UBTD1: variants seen among roughly 807,000 people sequenced by gnomAD.
The protein encoded by UBTD1 is ubiquitin domain containing 1.
UBTD1 carries 19 observed loss-of-function variants against 21.7 expected under a neutral mutation model. That is an observed-to-expected ratio of 0.87 (90% confidence interval 0.61 to 1.28). The LOEUF (loss-of-function observed/expected upper bound fraction) is 1.28, where lower values mean the gene tolerates loss of function less well. UBTD1 is among the 50% of genes most tolerant of loss of function. The probability of loss-of-function intolerance (pLI) is 0.00; values close to 1 mark genes in which losing one functional copy is unlikely to be tolerated. For missense variants in UBTD1, 282 were observed against 315.1 expected (o/e 0.89, Z 0.80); for synonymous variants, 116 against 135.1 (o/e 0.86, Z 0.98).
chr10:97,510,103 C>G (rs140945009), intron 1 of UBTD1, among the ~76,000 whole-genome samples: 1 of 152,160 alleles, frequency 6.6e-6, no homozygotes, highest in African/African-American at 2.4e-5. Flanking sequence ...GCTGGGATTA[C>G]AGGTGTGTGC....
chr10:97,555,874 T>C (rs1035090552), intron 1 of UBTD1, among the ~76,000 whole-genome samples: 1 of 152,204 alleles, frequency 6.6e-6, no homozygotes, highest in Admixed American at 6.5e-5. Context: ...TCCTTGTTGT[T>C]TTTTCTTAAA....
intron 1 of UBTD1, among the ~76,000 whole-genome samples, chr10:97,535,868 T>C (rs991066796): frequency 2.0e-5 from 3 of 151,814 alleles, no homozygotes; most frequent in Admixed American, 2.0e-4. Flanking sequence ...CAGTGAGCCA[T>C]GACCGCACTA....
intron 1 of UBTD1, among the ~76,000 whole-genome samples, chr10:97,551,473 C>T (rs759761800): frequency 6.6e-6 from 1 of 152,234 alleles, no homozygotes; most frequent in African/African-American, 2.4e-5. Context: ...TCTGCTGCCT[C>T]CCCGTGCAGG....
chr10:97,555,159 T>C (rs958011295), intron 1 of UBTD1, among the ~76,000 whole-genome samples: 7 of 152,198 alleles, frequency 4.6e-5, no homozygotes, highest in African/African-American at 1.7e-4. Flanking sequence ...CAAGGATCCC[T>C]GAGGGAGTCA....
intron 1 of UBTD1, among the ~76,000 whole-genome samples, chr10:97,553,122 C>CTTTTTG (rs927882458): frequency 2.0e-5 from 3 of 152,160 alleles, no homozygotes; most frequent in Admixed American, 2.0e-4. Flanking sequence ...CATACAGTAT[C>CTTTTTG]TTTTTGTTTT....
chr10:97,566,788 T>C (rs2040718990), intron 1 of UBTD1, among the ~76,000 whole-genome samples: 1 of 152,152 alleles, frequency 6.6e-6, no homozygotes, highest in Admixed American at 6.5e-5. Context: ...TGAGTTATAG[T>C]GGAAGCAGAG....
chr10:97,530,248 A>G (rs1013293387), intron 1 of UBTD1, among the ~76,000 whole-genome samples: 3 of 152,216 alleles, frequency 2.0e-5, no homozygotes, highest in African/African-American at 7.2e-5. Flanking sequence ...CGATGAATGA[A>G]TGAAGAATGA....
At chr10:97,530,627 G>A (rs1036763346) in intron 1 of UBTD1, among the ~76,000 whole-genome samples, 9 of 152,048 alleles carry the variant, frequency 5.9e-5, no homozygotes, top group Non-Finnish European at 1.3e-4. Flanking sequence ...AGGTAAATCC[G>A]GCAAGCAGCA....
intron 1 of UBTD1, among the ~76,000 whole-genome samples, chr10:97,554,801 A>G (rs2040656834): frequency 6.6e-6 from 1 of 151,986 alleles, no homozygotes; most frequent in Non-Finnish European, 1.5e-5. Context: ...TGATCCTTCC[A>G]CCTCAGCTTC....
At chr10:97,558,816 T>G (rs2040677420) in intron 1 of UBTD1, among the ~76,000 whole-genome samples, 1 of 152,210 alleles carries the variant, frequency 6.6e-6, no homozygotes, top group South Asian at 2.1e-4. Flanking sequence ...CGATTGCATC[T>G]AAATAGATGT....
intron 1 of UBTD1, among the ~76,000 whole-genome samples, chr10:97,510,828 A>C (rs2040420642): frequency 6.6e-6 from 1 of 152,164 alleles, no homozygotes; most frequent in African/African-American, 2.4e-5. Flanking sequence ...ATCAACTCTC[A>C]TTAGTAGCAA....
chr10:97,519,708 A>G (rs1347050750), intron 1 of UBTD1, among the ~76,000 whole-genome samples: 1 of 152,206 alleles, frequency 6.6e-6, no homozygotes, highest in Non-Finnish European at 1.5e-5. Flanking sequence ...GTGGACTTGG[A>G]CAAAATCTTG....
chr10:97,505,114 C>T (rs1472767807), intron 1 of UBTD1, among the ~76,000 whole-genome samples: 2 of 152,126 alleles, frequency 1.3e-5, no homozygotes, highest in Non-Finnish European at 2.9e-5. Context: ...TAATAGACTA[C>T]AAGGGAGGAA....
intron 1 of UBTD1, among the ~76,000 whole-genome samples, chr10:97,502,853 A>G (rs1278273053): frequency 3.4e-5 from 5 of 149,110 alleles, no homozygotes; most frequent in African/African-American, 1.2e-4. Context: ...GTATACATAT[A>G]TACGTATATA....
chr10:97,544,694 T>G (rs2040600716), intron 1 of UBTD1, among the ~76,000 whole-genome samples: 2 of 152,184 alleles, frequency 1.3e-5, no homozygotes, highest in African/African-American at 4.8e-5. Context: ...AAAAAAATGT[T>G]ATTAAGCAAA....
rs763452236 is a variant in UBTD1 at position 97,568,157 on chromosome 10, C to T, written c.298+16C>T. ...CTGCCTCATGGTAAGTGGGCAGGGCCAGGGCTTTATCCCCGCTGGAGCTAG... is the reference window on the plus strand; with the variant it reads ...CTGCCTCATGGTAAGTGGGCAGGGCTAGGGCTTTATCCCCGCTGGAGCTAG... On this transcript the variant is annotated intron_variant, in intron 2 of 2. Coordinates refer to ENST00000370664, the MANE Select transcript of UBTD1 (RefSeq NM_024954.5). 8 of 1,612,924 alleles carry T rather than the reference C, an allele frequency of 5.0e-6. No individual in the cohort carries two copies. In the East Asian group the frequency reaches 6.7e-5, roughly 13 times the overall value.
intron 1 of UBTD1, among the ~76,000 whole-genome samples, chr10:97,506,448 C>T (rs1005691231): frequency 5.3e-5 from 8 of 152,184 alleles, no homozygotes; most frequent in African/African-American, 1.7e-4. Flanking sequence ...AGACAGTAGT[C>T]ACTTCTCTTT....
intron 1 of UBTD1, among the ~76,000 whole-genome samples, chr10:97,519,540 C>T (rs544744956): frequency 4.6e-5 from 7 of 152,132 alleles, no homozygotes; most frequent in South Asian, 4.2e-4. Context: ...TATTATTGTC[C>T]GTGAGTGGTG....
At chr10:97,538,045 T>C (rs548267247) in intron 1 of UBTD1, among the ~76,000 whole-genome samples, 9 of 151,972 alleles carry the variant, frequency 5.9e-5, no homozygotes, top group Non-Finnish European at 1.2e-4. Context: ...AGGCTGGTCT[T>C]GAACTCCTGG....
Sources: gnomAD v4.1 joint callset for allele counts (sites outside exome capture counted in the v4.1 genomes callset) on GRCh38, gnomAD v4.1.1 for gene constraint, MANE v1.5 for transcripts, NCBI Gene and HGNC (gene_info 2026-07-23, HGNC 2026-07-21) for gene names.